P2RY6: variants seen among roughly 807,000 people sequenced by gnomAD.
The protein encoded by P2RY6 is pyrimidinergic receptor P2Y6, also known as P2Y purinoceptor 6.
A neutral mutation model predicts 16.3 loss-of-function variants in P2RY6; 19 were observed. That is an observed-to-expected ratio of 1.16 (90% CI 0.81 to 1.71). The LOEUF is 1.71. P2RY6 is among the 40% of genes most tolerant of loss of function. The pLI is 0.00. For missense variants in P2RY6, 389 were observed against 455.5 expected, an observed-to-expected ratio of 0.85 and a Z score of 1.33; for synonymous variants, 184 against 201.5, an observed-to-expected ratio of 0.91 and a Z score of 0.74.
intron 1 of P2RY6, among the ~76,000 whole-genome samples, chr11:73,286,804 CCTGA>C (rs1254725171): frequency 6.6e-6 from 1 of 152,106 alleles, no homozygotes; most frequent in African/African-American, 2.4e-5. Context: ...TCTTCTCTGC[CCTGA>C]CTCTTGACCT....
rs77619194 is a variant in P2RY6, at chr11:73,283,031, G to A, written c.-121+10565G>A. Reference sequence around the variant, plus strand: ...AGCTCATAAGCTGCAGAGTCAGGACGGGAACCCCCAGGTCTGTTGGGTGCC... The same window carrying A: ...AGCTCATAAGCTGCAGAGTCAGGACAGGAACCCCCAGGTCTGTTGGGTGCC... On this transcript the variant is annotated intron_variant, in intron 1 of 2. Transcript: ENST00000540124. 7.2e-3 allele frequency among the ~76,000 whole-genome samples: 1,098 copies of A among 152,256 alleles called. 10 individuals carry two copies. Among genetic ancestry groups the A allele is most frequent in the African/African-American group, 0.025 (1,030 of 41,560 alleles).
rs756345397 is a variant in P2RY6 at position 73,296,671 on chromosome 11, C to G, written c.153C>G (p.Ile51Met). ...LPLNICVITQ[I>M]CTSRRALTRT... ...TGAACATCTGTGTCATTACCCAGATCTGCACGTCCCGCCGGGCCCTGACCC... is the reference window on the plus strand; with the variant it reads ...TGAACATCTGTGTCATTACCCAGATGTGCACGTCCCGCCGGGCCCTGACCC... The change falls in exon 3 of 3, where the codon ATC (isoleucine) becomes ATG (methionine). Residue 51 changes from isoleucine to methionine, a missense_variant. Coordinates refer to ENST00000540124, the MANE Select transcript of P2RY6 (RefSeq NM_001277204.2). The G allele has an allele frequency of 1.9e-6, 3 of 1,614,064 alleles. No homozygotes were observed. Among genetic ancestry groups the G allele is most frequent in the Non-Finnish European group, 1.7e-6 (2 of 1,180,040 alleles).
chr11:73,283,421 A>G (rs1161053658), intron 1 of P2RY6, among the ~76,000 whole-genome samples: 1 of 151,756 alleles, frequency 6.6e-6, no homozygotes, highest in Non-Finnish European at 1.5e-5. Context: ...CCTGATCCCC[A>G]CCCACCTTCC....
At chr11:73,296,037 C>A (rs995960826) in intron 2 of P2RY6, among the ~76,000 whole-genome samples, 1 of 151,920 alleles carries the variant, frequency 6.6e-6, no homozygotes, top group African/African-American at 2.4e-5. Flanking sequence ...CTCGTGACAT[C>A]CCTGAGAGGC....
At chr11:73,270,485 C>A (rs900163705), upstream of P2RY6, among the ~76,000 whole-genome samples, 13 of 152,136 alleles carry the variant, frequency 8.5e-5, no homozygotes, top group African/African-American at 3.1e-4. Context: ...CTGAACCTAC[C>A]TTTGTGGACA....
upstream of P2RY6, chr11:73,271,801 C>CA (rs1863323657): frequency 6.6e-6 from 1 of 152,152 alleles, no homozygotes; most frequent in East Asian, 1.9e-4. Context: ...GGTCTCTCTC[C>CA]TCCCTCAGTG....
upstream of P2RY6, chr11:73,272,010 G>A (rs569885595): frequency 6.6e-6 from 1 of 152,218 alleles, no homozygotes; most frequent in Non-Finnish European, 1.5e-5. Context: ...GGAGAGGGCT[G>A]GGGTGATAAT....
upstream of P2RY6, among the ~76,000 whole-genome samples, chr11:73,268,960 G>A (rs1318916589): frequency 6.6e-6 from 1 of 152,196 alleles, no homozygotes; most frequent in African/African-American, 2.4e-5. Context: ...CCACAGCTGA[G>A]AAAACCAAGG....
intron 1 of P2RY6, among the ~76,000 whole-genome samples, chr11:73,282,062 C>T (rs1428625594): frequency 1.3e-5 from 2 of 152,176 alleles, no homozygotes; most frequent in Admixed American, 6.5e-5. Flanking sequence ...AGCTTTCCAC[C>T]TGTGACCTGC....
rs1863896047 is a variant in P2RY6 at position 73,284,642 on chromosome 11, C to G, written c.-120-11088C>G. On this transcript the variant is annotated intron_variant, in intron 1 of 2. Transcript: ENST00000540124. ...GCTCCCAATCCCCAATAAACACATA[C>G]TCTTAAGTACAAACTACAGCTTGCT... Among the ~76,000 whole-genome samples the G allele has an allele frequency of 5.9e-5, 9 of 152,218 alleles. No individual in the cohort carries two copies. In the South Asian group the frequency reaches 1.9e-3, roughly 32 times the overall value.
chr11:73,269,918 G>T (rs1863234057), upstream of P2RY6: 2 of 152,318 alleles, frequency 1.3e-5, no homozygotes, highest in South Asian at 4.1e-4. Context: ...GGCCCTTCCT[G>T]TCAGCTGGCT....
At chr11:73,277,683 T>G (rs1863594428) in intron 1 of P2RY6, among the ~76,000 whole-genome samples, 1 of 152,248 alleles carries the variant, frequency 6.6e-6, no homozygotes, top group South Asian at 2.1e-4. Flanking sequence ...ACCTGGAGCT[T>G]AGGCAATCCG....
intron 1 of P2RY6, among the ~76,000 whole-genome samples, chr11:73,277,905 CTT>C (rs536924832): frequency 2.9e-3 from 442 of 152,314 alleles, no homozygotes; most frequent in Non-Finnish European, 4.4e-3. Flanking sequence ...GCTCACAAGA[CTT>C]GCAGAAATCT....
In P2RY6 at chr11:73,280,746, G is replaced by A. The variant is rs186503618; in HGVS notation, c.-121+8280G>A. Reference sequence around the variant, plus strand: ...AGTGGTGGAAACAGCACTGACGAGGGGCAAAAGAAGAGCAGGAACTGAAAG... The same window carrying A: ...AGTGGTGGAAACAGCACTGACGAGGAGCAAAAGAAGAGCAGGAACTGAAAG... On this transcript the variant is annotated intron_variant, in intron 1 of 2. Transcript: ENST00000540124. Among the ~76,000 whole-genome samples, 1,030 of 152,288 alleles carry A rather than the reference G, an allele frequency of 6.8e-3. 11 individuals are homozygous for A. Among genetic ancestry groups the A allele is most frequent in the African/African-American group, 0.023 (960 of 41,532 alleles).
chr11:73,275,166 C>T (rs966618724), intron 1 of P2RY6, among the ~76,000 whole-genome samples: 1 of 152,196 alleles, frequency 6.6e-6, no homozygotes, highest in African/African-American at 2.4e-5. Context: ...GTCCAGCTCT[C>T]CCCTTAGGAA....
At chr11:73,274,532 G>T (rs1423429032) in intron 1 of P2RY6, among the ~76,000 whole-genome samples, 3 of 134,066 alleles carry the variant, frequency 2.2e-5, no homozygotes, top group Non-Finnish European at 4.6e-5. Context: ...ACAAGAGCGA[G>T]ACTGTCTCAA....
At chr11:73,290,940 G>A (rs1864219095) in intron 1 of P2RY6, among the ~76,000 whole-genome samples, 3 of 152,212 alleles carry the variant, frequency 2.0e-5, no homozygotes, top group Non-Finnish European at 1.5e-5. Context: ...GGTCCTGAGG[G>A]CCCTCAAACC....
chr11:73,297,661 C>A lies in P2RY6; in HGVS notation c.*156C>A. On this transcript the variant is annotated 3_prime_UTR_variant, in exon 3 of 3. Coordinates refer to ENST00000540124, the MANE Select transcript of P2RY6 (RefSeq NM_001277204.2). ...CCCAGAAGCTCACCAAAAACTATTT[C>A]TTCAGCCCCTTCTCTGGCCCAGACC... is the stretch of plus-strand genomic sequence containing the variant. 6.2e-6 allele frequency: 4 copies of A among 647,694 alleles called. No individual in the cohort carries two copies. The highest frequency in any genetic ancestry group is 4.0e-5 in the South Asian group (2 of 50,278). 40.1% of individuals were successfully genotyped at this position (647,694 alleles called of 1,614,324 possible).
intron 1 of P2RY6, among the ~76,000 whole-genome samples, chr11:73,285,676 G>A (rs554686346): frequency 6.6e-6 from 1 of 152,332 alleles, no homozygotes; most frequent in South Asian, 2.1e-4. Flanking sequence ...CAAAAGAAGA[G>A]ACTATGCCCC....
Sources: allele counts gnomAD v4.1 joint callset (sites outside exome capture counted in the v4.1 genomes callset), GRCh38; gene constraint gnomAD v4.1.1; transcripts MANE v1.5; gene names NCBI Gene and HGNC (gene_info 2026-07-23, HGNC 2026-07-21).